The following TLN2 variants were observed in gnomAD, a reference collection of about 807,000 sequenced individuals.
TLN2 encodes the protein talin-2.
A neutral mutation model predicts 294.7 loss-of-function variants in TLN2; 118 were observed. The ratio of observed to expected loss-of-function variants is 0.40; its 90% CI spans 0.34 to 0.47. The LOEUF is 0.47. TLN2 is among the 20% of genes least tolerant of loss of function. The pLI, the probability that TLN2 is intolerant of heterozygous loss-of-function variation, is 0.84. For synonymous variants in TLN2, 1,431 were observed against 1,304.5 expected (o/e 1.10, Z -2.09); for missense variants, 3,083 against 3,282.2 (o/e 0.94, Z 1.48).
In TLN2 at chr15:62,500,697, A is replaced by C. The variant is rs552222769; in HGVS notation, c.-237-88990A>C. Among the ~76,000 whole-genome samples the C allele has an allele frequency of 2.0e-5, 3 of 152,340 alleles. No homozygotes were observed. In the East Asian group the frequency reaches 5.8e-4, roughly 29 times the overall value. On this transcript the variant is annotated intron_variant, in intron 1 of 58. Coordinates refer to ENST00000636159, the MANE Select transcript of TLN2 (RefSeq NM_015059.3). ...CCCGAATATCTGCTATGGCAATCTC[A>C]AGTGACATCAATGCCCACTTGGAGT...
At chr15:62,517,204 C>T (rs1381705631) in intron 1 of TLN2, among the ~76,000 whole-genome samples, 2 of 152,198 alleles carry the variant, frequency 1.3e-5, no homozygotes, top group Non-Finnish European at 2.9e-5. Context: ...ACTTTCTGCA[C>T]CTGTGCCTTT....
At chr15:62,689,346 A>T (rs1476438013) in intron 12 of TLN2, among the ~76,000 whole-genome samples, 1 of 152,184 alleles carries the variant, frequency 6.6e-6, no homozygotes, top group Non-Finnish European at 1.5e-5. Flanking sequence ...TACACATAAG[A>T]TGGTTATTTT....
intron 9 of TLN2, 52 bp downstream of exon 9, chr15:62,657,950 T>A: frequency 6.5e-7 from 1 of 1,541,412 alleles, no homozygotes; most frequent in Non-Finnish European, 8.8e-7. Context: ...CTTCTTTCTC[T>A]TTCAGCTTTT....
intron 1 of TLN2, among the ~76,000 whole-genome samples, chr15:62,518,743 G>A (rs1595996105): frequency 6.6e-6 from 1 of 151,974 alleles, no homozygotes; most frequent in African/African-American, 2.4e-5. Flanking sequence ...GATTACAGGT[G>A]CCCGCCATCA....
At chr15:62,758,150 T>C (rs984891637) in intron 37 of TLN2, among the ~76,000 whole-genome samples, 3 of 152,108 alleles carry the variant, frequency 2.0e-5, no homozygotes, top group African/African-American at 7.2e-5. Context: ...CACACCCTTA[T>C]AGTCATGAAG....
At chr15:62,836,114 A>C in intron 57 of TLN2, 41 bp downstream of exon 57, 1 of 1,564,796 alleles carries the variant, frequency 6.4e-7, no homozygotes, top group Non-Finnish European at 8.6e-7. Flanking sequence ...CTCCTGTTGG[A>C]GCGGGTAAGT....
rs776655147 is a variant in TLN2 at position 62,707,211 on chromosome 15, C to G, written c.2130C>G (p.Thr710=). Reference sequence around the variant, plus strand: ...AGAACAGGGTAATTGCTGCTGCCACCCAGTGTGCCCTCTCCACCTCCCAGC... The same window carrying G: ...AGAACAGGGTAATTGCTGCTGCCACGCAGTGTGCCCTCTCCACCTCCCAGC... ...VLQNRVIAAA[T]QCALSTSQLV... Residue 710 remains threonine (T), a synonymous_variant, in exon 20 of 59, where the codon ACC becomes ACG. Coordinates refer to ENST00000636159, the MANE Select transcript of TLN2 (RefSeq NM_015059.3). 5 of 1,613,754 alleles carry G rather than the reference C, an allele frequency of 3.1e-6. No homozygotes were observed. The highest frequency in any genetic ancestry group is 4.2e-6 in the Non-Finnish European group (5 of 1,179,798).
At chr15:62,425,468 A>G (rs536837492) in intron 1 of TLN2, among the ~76,000 whole-genome samples, 38 of 152,302 alleles carry the variant, frequency 2.5e-4, no homozygotes, top group African/African-American at 8.9e-4. Context: ...CATTGACTTC[A>G]GTGGGATCCT....
chr15:62,425,547 C>T (rs964430634), intron 1 of TLN2, among the ~76,000 whole-genome samples: 4 of 152,294 alleles, frequency 2.6e-5, no homozygotes, highest in Non-Finnish European at 4.4e-5. Context: ...TTAGATGTTA[C>T]CAGAGACCTT....
chr15:62,471,150 G>T (rs539305778), intron 1 of TLN2, among the ~76,000 whole-genome samples: 2 of 152,242 alleles, frequency 1.3e-5, no homozygotes, highest in African/African-American at 4.8e-5. Flanking sequence ...TTCCAGAAGA[G>T]CCTGAGCAAC....
At chr15:62,592,785 A>T (rs1484178768) in intron 2 of TLN2, among the ~76,000 whole-genome samples, 2 of 152,244 alleles carry the variant, frequency 1.3e-5, no homozygotes, top group African/African-American at 4.8e-5. Context: ...CACGCTTTGC[A>T]GGAATAAACA....
intron 40 of TLN2, 40 bp downstream of exon 40, chr15:62,763,735 A>G (rs538733966): frequency 1.9e-6 from 3 of 1,541,874 alleles, no homozygotes; most frequent in East Asian, 4.7e-5. Flanking sequence ...TCGCCTCTAG[A>G]TATGTTGAAA....
chr15:62,654,177 T>C (rs1470978524), intron 7 of TLN2, among the ~76,000 whole-genome samples: 1 of 152,236 alleles, frequency 6.6e-6, no homozygotes, highest in African/African-American at 2.4e-5. Flanking sequence ...TTTTTGTGTA[T>C]GTGAAGAAAC....
In TLN2 at chr15:62,843,351, G is replaced by C. The variant is rs576055484; in HGVS notation, c.*2741G>C. 1 of 152,258 alleles carries C rather than the reference G, an allele frequency of 6.6e-6. No individual in the cohort carries two copies. The highest frequency in any genetic ancestry group is 1.5e-5 in the Non-Finnish European group (1 of 68,054). 9.4% of individuals were successfully genotyped at this position (152,258 alleles called of 1,614,324 possible). On this transcript the variant is annotated 3_prime_UTR_variant, in exon 59 of 59. Transcript: ENST00000636159. Reference sequence around the variant, plus strand: ...TTTAGATTTTACTTGGGCCTTTCAGGAGTCTTTAGATAGGGATGCTGAGGT... The same window carrying C: ...TTTAGATTTTACTTGGGCCTTTCAGCAGTCTTTAGATAGGGATGCTGAGGT...
At chr15:62,546,999 C>T (rs999435761) in intron 1 of TLN2, among the ~76,000 whole-genome samples, 1 of 152,004 alleles carries the variant, frequency 6.6e-6, no homozygotes, top group African/African-American at 2.4e-5. Flanking sequence ...AAAAGACCAG[C>T]GTTAATCAGG....
intron 28 of TLN2, among the ~76,000 whole-genome samples, chr15:62,731,538 G>A (rs1028908669): frequency 6.6e-6 from 1 of 152,196 alleles, no homozygotes; most frequent in Non-Finnish European, 1.5e-5. Context: ...ACCTTTGAGG[G>A]TGTAGCCCTT....
At chr15:62,721,958 T>C (rs1439403492) in intron 25 of TLN2, among the ~76,000 whole-genome samples, 1 of 152,180 alleles carries the variant, frequency 6.6e-6, no homozygotes, top group Non-Finnish European at 1.5e-5. Context: ...ATGTTAGCTG[T>C]TTTATTTATC....
chr15:62,468,888 T>C (rs1389007903), intron 1 of TLN2, among the ~76,000 whole-genome samples: 1 of 152,222 alleles, frequency 6.6e-6, no homozygotes, highest in Non-Finnish European at 1.5e-5. Context: ...TGCTGTTTTC[T>C]TGAGAGAGAT....
intron 57 of TLN2, among the ~76,000 whole-genome samples, chr15:62,836,591 A>ATTTC (rs2069636013): frequency 1.3e-5 from 2 of 152,200 alleles, no homozygotes; most frequent in South Asian, 4.1e-4. Context: ...AAGGGAGTAA[A>ATTTC]ATGACTGAAA....
Sources: gnomAD v4.1 joint callset for allele counts (sites outside exome capture counted in the v4.1 genomes callset) on GRCh38, gnomAD v4.1.1 for gene constraint, MANE v1.5 for transcripts, NCBI Gene and HGNC (gene_info 2026-07-23, HGNC 2026-07-21) for gene names.